The following FRMD6 variants were observed in gnomAD, a reference collection of about 807,000 sequenced individuals.
FRMD6 encodes the protein FERM domain containing 6.
In FRMD6, 37 loss-of-function variants were observed where a neutral mutation model predicts 73.2. The observed-to-expected ratio is 0.51, with a 90% CI of 0.39 to 0.66. The LOEUF (loss-of-function observed/expected upper bound fraction) is 0.66, where lower values mean the gene tolerates loss of function less well. Ranked by LOEUF, FRMD6 falls within the 30% of genes least tolerant of loss-of-function variation. The pLI is 0.00. For synonymous variants in FRMD6, 273 were observed against 282.2 expected, an observed-to-expected ratio of 0.97 and a Z score of 0.33; for missense variants, 714 against 780.5, an observed-to-expected ratio of 0.91 and a Z score of 1.02.
intron 1 of FRMD6, among the ~76,000 whole-genome samples, chr14:51,506,756 C>G (rs1883985647): frequency 6.6e-6 from 1 of 152,120 alleles, no homozygotes; most frequent in African/African-American, 2.4e-5. Context: ...ATATCAATAA[C>G]CTAGTGACAG....
the FRMD6 span, among the ~76,000 whole-genome samples, chr14:51,440,391 G>C: frequency 6.6e-6 from 1 of 152,246 alleles, no homozygotes; most frequent in South Asian, 2.1e-4. Flanking sequence ...ATTATCCAAG[G>C]GTTTAGCTGG....
At chr14:51,718,263 C>T (rs776699915) in intron 10 of FRMD6, among the ~76,000 whole-genome samples, 2 of 152,150 alleles carry the variant, frequency 1.3e-5, no homozygotes, top group Non-Finnish European at 2.9e-5. Context: ...AACATGTTGA[C>T]AGGAATAGGT....
chr14:51,711,702 T>A (rs765043595), intron 8 of FRMD6, 106 bp downstream of exon 8: 7 of 749,520 alleles, frequency 9.3e-6, no homozygotes, highest in Non-Finnish European at 1.6e-5. Context: ...GGCCACTGGC[T>A]GGTCATCATT....
chr14:51,529,849 A>G (rs571064910), intron 1 of FRMD6, among the ~76,000 whole-genome samples: 1 of 152,342 alleles, frequency 6.6e-6, no homozygotes, highest in African/African-American at 2.4e-5. Context: ...AAAGAATGGC[A>G]CAAACCAACA....
At chr14:51,700,711 G>A (rs1428463423) in intron 3 of FRMD6, among the ~76,000 whole-genome samples, 1 of 151,924 alleles carries the variant, frequency 6.6e-6, no homozygotes, top group Non-Finnish European at 1.5e-5. Context: ...ACAAAAGCAT[G>A]TTTTCCTAAG....
chr14:51,402,194 C>T, the FRMD6 span, among the ~76,000 whole-genome samples: 1 of 152,194 alleles, frequency 6.6e-6, no homozygotes, highest in African/African-American at 2.4e-5. Flanking sequence ...AGAATGCCTG[C>T]AAATGGCAGT....
the FRMD6 span, among the ~76,000 whole-genome samples, chr14:51,422,653 T>A: frequency 2.0e-5 from 3 of 152,212 alleles, no homozygotes; most frequent in South Asian, 2.1e-4. Context: ...TTTAAAAAAA[T>A]TTATATTGAA....
Position 51,698,123 on chromosome 14 carries a change from G to C in FRMD6, c.100-19G>C, listed in dbSNP as rs375692856. The stretch of plus-strand genomic sequence containing the variant: ...CTTAGTTGAATTGTTATTTTACGTC[G>C]TGCCTTTTTCCCCTACAGGTTAAGA... On this transcript the variant is annotated intron_variant, in intron 2 of 13. Coordinates refer to ENST00000344768, the MANE Select transcript of FRMD6 (RefSeq NM_001267046.2). The C allele has an allele frequency of 1.9e-6, 3 of 1,583,216 alleles. No homozygotes were observed. The highest frequency in any genetic ancestry group is 3.4e-5 in the Admixed American group (2 of 59,050).
intron 7 of FRMD6, among the ~76,000 whole-genome samples, chr14:51,708,651 TACCAC>T (rs1896769461): frequency 6.6e-6 from 1 of 152,154 alleles, no homozygotes; most frequent in Non-Finnish European, 1.5e-5. Flanking sequence ...ACAAGAACAT[TACCAC>T]AACAGGTAAT....
the FRMD6 span, among the ~76,000 whole-genome samples, chr14:51,412,571 G>T: frequency 2.0e-5 from 3 of 152,296 alleles, no homozygotes; most frequent in South Asian, 2.1e-4. Flanking sequence ...ACACGGACAG[G>T]CCGGGCGCGG....
intron 1 of FRMD6, among the ~76,000 whole-genome samples, chr14:51,507,349 C>T (rs1884028387): frequency 6.6e-6 from 1 of 151,868 alleles, no homozygotes; most frequent in African/African-American, 2.4e-5. Context: ...AGTGAAGATC[C>T]AGCAGTGTGG....
chr14:51,418,000 A>G, the FRMD6 span, among the ~76,000 whole-genome samples: 1 of 152,166 alleles, frequency 6.6e-6, no homozygotes, highest in African/African-American at 2.4e-5. Context: ...TTTCGGCTCC[A>G]TCAGGTCATT....
chr14:51,714,107 G>C (rs1897108307), intron 9 of FRMD6: 1 of 152,142 alleles, frequency 6.6e-6, no homozygotes, highest in Non-Finnish European at 1.5e-5. Flanking sequence ...AGCCAACTCA[G>C]CTCTGCCTAG....
At chr14:51,679,246 A>G (rs1288924112) in intron 1 of FRMD6, among the ~76,000 whole-genome samples, 1 of 151,880 alleles carries the variant, frequency 6.6e-6, no homozygotes, top group Non-Finnish European at 1.5e-5. Context: ...TAAAAAGGCT[A>G]GACAAAAGGA....
intron 1 of FRMD6, among the ~76,000 whole-genome samples, chr14:51,502,245 T>C (rs888636362): frequency 6.6e-6 from 1 of 152,244 alleles, no homozygotes; most frequent in African/African-American, 2.4e-5. Flanking sequence ...GCAATTGCTT[T>C]TGGCATTTTC....
chr14:51,449,846 A>G, the FRMD6 span, among the ~76,000 whole-genome samples: 2 of 152,264 alleles, frequency 1.3e-5, no homozygotes, highest in East Asian at 3.9e-4. Context: ...CACATAGGGG[A>G]ACAGATGGCA....
At chr14:51,542,403 C>T (rs753322819) in intron 1 of FRMD6, among the ~76,000 whole-genome samples, 1 of 152,010 alleles carries the variant, frequency 6.6e-6, no homozygotes, top group Non-Finnish European at 1.5e-5. Context: ...GTGTGTCTGG[C>T]TTCTTTCACT....
At chr14:51,694,540 A>G (rs1566571653) in intron 2 of FRMD6, among the ~76,000 whole-genome samples, 1 of 152,070 alleles carries the variant, frequency 6.6e-6, no homozygotes, top group Non-Finnish European at 1.5e-5. Context: ...AAAATTTAAA[A>G]ATTAGCCAGG....
the FRMD6 span, among the ~76,000 whole-genome samples, chr14:51,409,340 CTTTT>C: frequency 3.2e-4 from 27 of 84,122 alleles, no homozygotes; most frequent in Non-Finnish European, 4.4e-4. Flanking sequence ...AAGTTTTTTG[CTTTT>C]TTTTTTTTTT....
Sources: allele counts gnomAD v4.1 joint callset (sites outside exome capture counted in the v4.1 genomes callset), GRCh38; gene constraint gnomAD v4.1.1; transcripts MANE v1.5; gene names NCBI Gene and HGNC (gene_info 2026-07-23, HGNC 2026-07-21).